NFU1: variants seen among roughly 807,000 people sequenced by gnomAD.
NFU1 encodes NFU1 iron-sulfur cluster scaffold.
In NFU1, 30 loss-of-function variants were observed where a neutral mutation model predicts 32.2. The ratio of observed to expected loss-of-function variants is 0.93; its 90% CI spans 0.70 to 1.26. The LOEUF is 1.26. Among genes scored for constraint, NFU1 ranks in the 50% most tolerant of loss-of-function variants. The probability of loss-of-function intolerance (pLI) is 0.00; values close to 1 mark genes in which losing one functional copy is unlikely to be tolerated. For missense variants in NFU1, 306 were observed against 306.6 expected (o/e 1.00, Z 0.02); for synonymous variants, 112 against 104.6 (o/e 1.07, Z -0.43).
At chr2:69,438,970 C>A (rs1242368463), upstream of NFU1, among the ~76,000 whole-genome samples, 1 of 148,330 alleles carries the variant, frequency 6.7e-6, no homozygotes, top group African/African-American at 2.5e-5. Context: ...GACCCTCAAT[C>A]AAAAATAAAA....
At chr2:69,436,274 G>A (rs1158278470) in intron 1 of NFU1, among the ~76,000 whole-genome samples, 1 of 152,186 alleles carries the variant, frequency 6.6e-6, no homozygotes, top group Non-Finnish European at 1.5e-5. Context: ...AGGCCATGCA[G>A]TAAGTGCTCA....
intron 6 of NFU1, among the ~76,000 whole-genome samples, chr2:69,402,139 C>T (rs1196776514): frequency 3.3e-5 from 5 of 152,212 alleles, no homozygotes; most frequent in Admixed American, 6.5e-5. Flanking sequence ...AGGTGATCCG[C>T]TCACCTCAGC....
At chr2:69,421,905 T>A (rs1673259241) in intron 3 of NFU1, among the ~76,000 whole-genome samples, 1 of 152,058 alleles carries the variant, frequency 6.6e-6, no homozygotes, top group South Asian at 2.1e-4. Flanking sequence ...CCCCTTATCC[T>A]CAGGGGATCC....
chr2:69,427,202 A>G (rs891066229), intron 2 of NFU1, among the ~76,000 whole-genome samples: 1 of 150,890 alleles, frequency 6.6e-6, no homozygotes, highest in Non-Finnish European at 1.5e-5. Context: ...CCTGGCCAAC[A>G]TGGTGAAACC....
chr2:69,407,654 A>G (rs568143987), intron 5 of NFU1, among the ~76,000 whole-genome samples: 9 of 148,650 alleles, frequency 6.1e-5, no homozygotes, highest in African/African-American at 2.2e-4. Flanking sequence ...CAGCCTGGCT[A>G]ACAGAGCAAG....
At chr2:69,397,895 C>G (rs1484589786) in intron 7 of NFU1, among the ~76,000 whole-genome samples, 1 of 107,708 alleles carries the variant, frequency 9.3e-6, no homozygotes, top group African/African-American at 3.7e-5. Flanking sequence ...GCCTGGGCAA[C>G]AAGAGTGAAA....
At chr2:69,406,425 G>T (rs1421787643) in intron 5 of NFU1, among the ~76,000 whole-genome samples, 1 of 82,928 alleles carries the variant, frequency 1.2e-5, no homozygotes, top group East Asian at 2.5e-4. Context: ...TCAGAGAAAA[G>T]AAACTGATTT....
intron 1 of NFU1, among the ~76,000 whole-genome samples, chr2:69,434,294 C>T (rs1329591775): frequency 5.3e-5 from 8 of 152,062 alleles, no homozygotes; most frequent in Non-Finnish European, 1.2e-4. Flanking sequence ...TAGATGCCCA[C>T]CACCATGCCC....
intron 7 of NFU1, among the ~76,000 whole-genome samples, chr2:69,397,880 C>G (rs1246778716): frequency 6.9e-6 from 1 of 144,606 alleles, no homozygotes; most frequent in East Asian, 2.0e-4. Flanking sequence ...AGCCATTGTA[C>G]TCCAGCCTGG....
intron 7 of NFU1, 77 bp from the exon 8 acceptor site, chr2:69,396,367 C>A (rs371400208): frequency 2.0e-6 from 2 of 1,005,958 alleles, no homozygotes; most frequent in South Asian, 1.3e-5. Context: ...TTTAATATTA[C>A]TTCTTTACCT....
At chr2:69,439,398 G>T (rs751131554), upstream of NFU1, among the ~76,000 whole-genome samples, 2 of 152,194 alleles carry the variant, frequency 1.3e-5, no homozygotes, top group Non-Finnish European at 2.9e-5. Flanking sequence ...TGTTTCTTCT[G>T]GTGGGTTCGT....
intron 2 of NFU1, 87 bp from the exon 3 acceptor site, chr2:69,423,804 G>T (rs757983514): frequency 1.0e-6 from 1 of 980,352 alleles, no homozygotes; most frequent in Non-Finnish European, 1.6e-6. Flanking sequence ...CAGAGAATCA[G>T]AAGAAGTAAG....
At chr2:69,438,622 C>G (rs75674006), upstream of NFU1, among the ~76,000 whole-genome samples, 916 of 152,182 alleles carry the variant, frequency 6.0e-3, 7 homozygotes, top group African/African-American at 0.021. Flanking sequence ...AATCACTGTT[C>G]TGGAAGACAG....
chr2:69,439,029 T>C (rs919954053), upstream of NFU1, among the ~76,000 whole-genome samples: 5 of 151,820 alleles, frequency 3.3e-5, no homozygotes, highest in South Asian at 4.2e-4. Context: ...CTTCAATTTT[T>C]CCCTCTCTGA....
upstream of NFU1, among the ~76,000 whole-genome samples, chr2:69,439,275 T>C (rs773671299): frequency 3.4e-4 from 52 of 152,176 alleles, no homozygotes; most frequent in Non-Finnish European, 7.2e-4. Context: ...GGTGGGTTCT[T>C]GGTCTCGCTA....
At chr2:69,408,767 T>TAC (rs899187183) in intron 5 of NFU1, among the ~76,000 whole-genome samples, 6 of 129,334 alleles carry the variant, frequency 4.6e-5, no homozygotes, top group South Asian at 2.5e-4. Flanking sequence ...TATATATATA[T>TAC]ATACACACAC....
intron 5 of NFU1, among the ~76,000 whole-genome samples, chr2:69,412,511 C>T (rs1474010633): frequency 5.9e-5 from 9 of 152,054 alleles, no homozygotes; most frequent in East Asian, 3.9e-4. Context: ...CCCAGCCTCC[C>T]GAGTAGCTGG....
At chr2:69,404,000 G>A (rs528347725) in intron 6 of NFU1, among the ~76,000 whole-genome samples, 2,252 of 150,492 alleles carry the variant, frequency 0.015, 29 homozygotes, top group Non-Finnish European at 0.022. Flanking sequence ...CACCATGCCC[G>A]GCTAATTTTT....
At chr2:69,423,764 C>T (rs1673347990) in intron 2 of NFU1, 47 bp from the exon 3 acceptor site, 1 of 1,401,430 alleles carries the variant, frequency 7.1e-7, no homozygotes, top group Non-Finnish European at 1.0e-6. Context: ...AAACAGTTAA[C>T]AAGTTTATGG....
Sources: allele counts gnomAD v4.1 joint callset (sites outside exome capture counted in the v4.1 genomes callset), GRCh38; gene constraint gnomAD v4.1.1; transcripts MANE v1.5; gene names NCBI Gene and HGNC (gene_info 2026-07-23, HGNC 2026-07-21).